ATP2B2: variants seen among roughly 807,000 people sequenced by gnomAD.
The protein encoded by ATP2B2 is ATPase plasma membrane Ca2+ transporting 2.
Under a neutral mutation model 120.0 loss-of-function variants are expected in ATP2B2, and 15 were observed. The ratio of observed to expected loss-of-function variants is 0.12; its 90% CI spans 0.08 to 0.19. The LOEUF is 0.19. Among genes scored for constraint, ATP2B2 ranks in the 10% least tolerant of loss-of-function variants. ATP2B2 has a pLI of 1.00. For missense variants in ATP2B2, 1,045 were observed against 1,719.8 expected (o/e 0.61, Z 6.94); for synonymous variants, 694 against 700.3 (o/e 0.99, Z 0.14).
chr3:10,487,687 G>C (rs1258276471), intron 1 of ATP2B2, among the ~76,000 whole-genome samples: 2 of 152,202 alleles, frequency 1.3e-5, no homozygotes, highest in Non-Finnish European at 2.9e-5. Flanking sequence ...AGGATGAGGG[G>C]TTAGACAGCG....
chr3:10,648,838 CT>C (rs2070383282), intron 1 of ATP2B2, among the ~76,000 whole-genome samples: 1 of 152,252 alleles, frequency 6.6e-6, no homozygotes, highest in Non-Finnish European at 1.5e-5. Context: ...ATTTCTGCCC[CT>C]GGTCCTAGGC....
chr3:10,429,349 C>A (rs2063240107), intron 2 of ATP2B2, among the ~76,000 whole-genome samples: 1 of 152,192 alleles, frequency 6.6e-6, no homozygotes. Context: ...CTGCATTGAG[C>A]AAGTCTATAG....
chr3:10,575,820 T>G (rs528198652), intron 2 of ATP2B2, among the ~76,000 whole-genome samples: 1 of 152,182 alleles, frequency 6.6e-6, no homozygotes, highest in African/African-American at 2.4e-5. Context: ...TGCCCAAATC[T>G]ATGGGCTTCT....
chr3:10,453,077 G>A (rs1399359952), intron 1 of ATP2B2, among the ~76,000 whole-genome samples: 1 of 152,190 alleles, frequency 6.6e-6, no homozygotes, highest in Non-Finnish European at 1.5e-5. Context: ...CTTATTAGGT[G>A]CCAAGCACTC....
chr3:10,522,212 G>A (rs2066997729), intron 3 of ATP2B2, among the ~76,000 whole-genome samples: 1 of 152,192 alleles, frequency 6.6e-6, no homozygotes, highest in South Asian at 2.1e-4. Context: ...CCGTGTATGT[G>A]TACTGCTGTG....
intron 22 of ATP2B2, among the ~76,000 whole-genome samples, chr3:10,335,777 T>A (rs1277389032): frequency 6.6e-6 from 1 of 152,222 alleles, no homozygotes. Context: ...TGGGACACTC[T>A]GTGTCCCCTC....
At position 10,444,248 on chromosome 3, in the gene ATP2B2, G is replaced by A. The variant is rs77118254; in HGVS notation, c.199+5097C>T. On this transcript the variant is annotated intron_variant, in intron 2 of 22. Transcript: ENST00000360273. ...GCATGACCCTGCCCAGGCTTCCGCC[G>A]AGTCTGTGGCTCCCCTGGCTTCCCT... Among the ~76,000 whole-genome samples, 409 of 152,308 alleles carry A rather than the reference G, an allele frequency of 2.7e-3. 1 individual carries two copies. Among genetic ancestry groups the A allele is most frequent in the African/African-American group, 9.2e-3 (383 of 41,568 alleles).
intron 2 of ATP2B2, among the ~76,000 whole-genome samples, chr3:10,444,505 A>C (rs2063772299): frequency 6.6e-6 from 1 of 151,932 alleles, no homozygotes; most frequent in Non-Finnish European, 1.5e-5. Context: ...TCTCTCCTCC[A>C]CTTGGGCAGG....
intron 2 of ATP2B2, among the ~76,000 whole-genome samples, chr3:10,618,052 A>AC (rs1341119741): frequency 6.6e-6 from 1 of 152,210 alleles, no homozygotes; most frequent in Non-Finnish European, 1.5e-5. Context: ...GAGCAAAAAT[A>AC]CCCCAAACAT....
intron 1 of ATP2B2, among the ~76,000 whole-genome samples, chr3:10,623,054 CTTTTTTTTTTTT>C (rs34097914): frequency 3.8e-5 from 4 of 106,614 alleles, no homozygotes; most frequent in African/African-American, 1.0e-4. Flanking sequence ...TTGGTCAGCT[CTTTTTTTTTTTT>C]TTTTTTTTTT....
chr3:10,338,980 T>C (rs2060203638), intron 21 of ATP2B2: 1 of 154,800 alleles, frequency 6.5e-6, no homozygotes, highest in African/African-American at 2.4e-5. Flanking sequence ...GGCTTGTCCA[T>C]GGGGCTGAGG....
intron 3 of ATP2B2, among the ~76,000 whole-genome samples, chr3:10,526,621 T>C (rs1340608152): frequency 6.6e-6 from 1 of 152,144 alleles, no homozygotes; most frequent in Non-Finnish European, 1.5e-5. Flanking sequence ...CCCAGACCCA[T>C]GCCCAGAACC....
At chr3:10,685,764 C>G (rs2125708227) in intron 1 of ATP2B2, among the ~76,000 whole-genome samples, 1 of 152,020 alleles carries the variant, frequency 6.6e-6, no homozygotes, top group South Asian at 2.1e-4. Flanking sequence ...ACAGCAGGGA[C>G]TTATGCCTGA....
intron 1 of ATP2B2, among the ~76,000 whole-genome samples, chr3:10,499,541 C>G (rs1297102727): frequency 6.6e-6 from 1 of 152,222 alleles, no homozygotes; most frequent in African/African-American, 2.4e-5. Flanking sequence ...CATTTCGGTA[C>G]TTGGCAATTA....
chr3:10,430,442 G>A (rs1049547062), intron 2 of ATP2B2, among the ~76,000 whole-genome samples: 1 of 152,136 alleles, frequency 6.6e-6, no homozygotes, highest in Non-Finnish European at 1.5e-5. Context: ...CAACCCTCAT[G>A]GATAACTTTG....
At chr3:10,453,686 A>G (rs544504861) in intron 1 of ATP2B2, among the ~76,000 whole-genome samples, 1 of 152,330 alleles carries the variant, frequency 6.6e-6, no homozygotes, top group African/African-American at 2.4e-5. Flanking sequence ...GGAGTGGCTT[A>G]CAGGCACTGA....
chr3:10,700,926 TC>T (rs2071807240), intron 1 of ATP2B2, among the ~76,000 whole-genome samples: 1 of 152,200 alleles, frequency 6.6e-6, no homozygotes, highest in African/African-American at 2.4e-5. Context: ...AAAGCTTCCA[TC>T]CAGAAATGAC....
intron 2 of ATP2B2, among the ~76,000 whole-genome samples, chr3:10,571,038 G>A (rs557200798): frequency 1.3e-5 from 2 of 152,214 alleles, no homozygotes; most frequent in East Asian, 1.9e-4. Context: ...GGCCACAAAC[G>A]AAAAGAGACA....
chr3:10,677,232 A>G (rs1016691268), intron 1 of ATP2B2, among the ~76,000 whole-genome samples: 1 of 152,258 alleles, frequency 6.6e-6, no homozygotes, highest in Non-Finnish European at 1.5e-5. Flanking sequence ...AGTGCTAAAA[A>G]GAAACATGCT....
Sources: gnomAD v4.1 joint callset for allele counts (sites outside exome capture counted in the v4.1 genomes callset) on GRCh38, gnomAD v4.1.1 for gene constraint, MANE v1.5 for transcripts, NCBI Gene and HGNC (gene_info 2026-07-23, HGNC 2026-07-21) for gene names.